DRC5: variants seen among roughly 807,000 people sequenced by gnomAD.
DRC5 encodes dynein regulatory complex subunit 5.
chr6:44,281,176 G>T, the DRC5 span, among the ~76,000 whole-genome samples: 1 of 152,168 alleles, frequency 6.6e-6, no homozygotes, highest in Non-Finnish European at 1.5e-5. Flanking sequence ...CCCCTGCTGG[G>T]CTGGGTGGGC....
chr6:44,286,321 C>G, the DRC5 span: 1 of 1,613,616 alleles, frequency 6.2e-7, no homozygotes, highest in Non-Finnish European at 8.5e-7. Context: ...AGTGCTTTAG[C>G]AGGTTCTCCA....
At chr6:44,285,864 G>T in the DRC5 span, 1 of 1,164,938 alleles carries the variant, frequency 8.6e-7, no homozygotes, top group East Asian at 2.4e-5. Context: ...TGAAAGAGAA[G>T]GAAATAGGAA....
At chr6:44,287,616 C>T in the DRC5 span, 2 of 1,614,184 alleles carry the variant, frequency 1.2e-6, no homozygotes, top group Non-Finnish European at 1.7e-6. Context: ...CCAGTGACCA[C>T]TCAGGATCCT....
At chr6:44,290,918 C>A in the DRC5 span, among the ~76,000 whole-genome samples, 1 of 152,178 alleles carries the variant, frequency 6.6e-6, no homozygotes, top group Non-Finnish European at 1.5e-5. Flanking sequence ...GACTCTAGTC[C>A]CACCGTCTAG....
chr6:44,282,723 T>A, the DRC5 span, among the ~76,000 whole-genome samples: 2 of 151,160 alleles, frequency 1.3e-5, no homozygotes, highest in African/African-American at 4.9e-5. Context: ...TGGTGGCAGG[T>A]AGCAGGGAGG....
the DRC5 span, among the ~76,000 whole-genome samples, chr6:44,289,017 A>AAG: frequency 0.021 from 2,922 of 139,738 alleles, 70 homozygotes; most frequent in Non-Finnish European, 0.035. Context: ...AAAAAAAAAA[A>AAG]AAAAAGAAAA....
At chr6:44,281,383 G>A in the DRC5 span, among the ~76,000 whole-genome samples, 7 of 152,188 alleles carry the variant, frequency 4.6e-5, no homozygotes, top group Admixed American at 4.6e-4. Context: ...CAGTGTTCAT[G>A]TAAATTGCAT....
the DRC5 span, among the ~76,000 whole-genome samples, chr6:44,281,042 CGCATGCACGTGTGTGTGCGT>C: frequency 6.6e-6 from 1 of 152,096 alleles, no homozygotes; most frequent in African/African-American, 2.4e-5. Context: ...TGTGTGTGCG[CGCATGCACGTGTGTGTGCGT>C]GTATGTGCCT....
the DRC5 span, among the ~76,000 whole-genome samples, chr6:44,283,308 C>G: frequency 1.3e-5 from 2 of 151,968 alleles, no homozygotes. Flanking sequence ...CCAAGATCCA[C>G]CAGGGCAAGG....
the DRC5 span, chr6:44,287,824 A>T: frequency 6.2e-7 from 1 of 1,612,232 alleles, no homozygotes; most frequent in South Asian, 1.1e-5. Flanking sequence ...GGTATCCTGC[A>T]TGCTGGAGGC....
the DRC5 span, among the ~76,000 whole-genome samples, chr6:44,293,175 C>T: frequency 1.6e-3 from 239 of 152,258 alleles, no homozygotes; most frequent in African/African-American, 5.6e-3. Flanking sequence ...TGGCCTCTTC[C>T]TCTCTTGACT....
chr6:44,292,541 A>G, the DRC5 span, among the ~76,000 whole-genome samples: 1 of 152,120 alleles, frequency 6.6e-6, no homozygotes, highest in Non-Finnish European at 1.5e-5. Context: ...TCCAATTTCT[A>G]GCCCAGTGGT....
At chr6:44,282,121 G>A in the DRC5 span, 3 of 1,611,064 alleles carry the variant, frequency 1.9e-6, no homozygotes, top group East Asian at 4.5e-5. Context: ...AGCCCGATGT[G>A]GTTGCAGGAC....
the DRC5 span, among the ~76,000 whole-genome samples, chr6:44,284,852 G>A: frequency 2.6e-5 from 4 of 152,214 alleles, no homozygotes; most frequent in East Asian, 7.7e-4. Flanking sequence ...TAATCTGCAT[G>A]TCCACTGCTG....
At chr6:44,282,460 G>C in the DRC5 span, 8 of 1,612,994 alleles carry the variant, frequency 5.0e-6, no homozygotes, top group African/African-American at 9.3e-5. Context: ...ATGAGGTTTT[G>C]TGACAAGTCC....
chr6:44,287,432 G>A, the DRC5 span: 7 of 1,107,492 alleles, frequency 6.3e-6, no homozygotes, highest in Middle Eastern at 2.1e-4. Flanking sequence ...GATGCCATAC[G>A]GGAGAGCAGG....
the DRC5 span, chr6:44,282,403 G>A: frequency 3.0e-5 from 49 of 1,614,132 alleles, no homozygotes; most frequent in Non-Finnish European, 3.6e-5. Flanking sequence ...ACACGCAGGC[G>A]GCTGTGGCTC....
the DRC5 span, among the ~76,000 whole-genome samples, chr6:44,288,743 C>T: frequency 1.3e-5 from 2 of 152,136 alleles, no homozygotes; most frequent in East Asian, 3.9e-4. Flanking sequence ...CCTGTAATCC[C>T]AGCACTTTGG....
chr6:44,288,993 CAAAAAAAAAA>C, the DRC5 span, among the ~76,000 whole-genome samples: 24 of 32,830 alleles, frequency 7.3e-4, no homozygotes, highest in African/African-American at 2.0e-3. Context: ...GACTCTGTCT[CAAAAAAAAAA>C]AAAAAAAAAA....
Sources: gnomAD v4.1 joint callset for allele counts (sites outside exome capture counted in the v4.1 genomes callset) on GRCh38, gnomAD v4.1.1 for gene constraint, MANE v1.5 for transcripts, NCBI Gene and HGNC (gene_info 2026-07-23, HGNC 2026-07-21) for gene names.